Variants in C10orf90 observed in about 807,000 individuals in gnomAD.
C10orf90 encodes chromosome 10 open reading frame 90.
In C10orf90, 56 loss-of-function variants were observed where a neutral mutation model predicts 62.5. The ratio of observed to expected loss-of-function variants is 0.90; its 90% confidence interval spans 0.72 to 1.12. C10orf90 has a LOEUF of 1.12. Among genes scored for constraint, C10orf90 ranks in the 50% most tolerant of loss-of-function variants. The pLI, the probability that C10orf90 is intolerant of heterozygous loss-of-function variation, is 0.00. For synonymous variants in C10orf90, 386 were observed against 340.4 expected (o/e 1.13, Z -1.47); for missense variants, 970 against 880.4 (o/e 1.10, Z -1.29).
chr10:126,502,912 A>G, intron 4 of C10orf90: 1 of 467,950 alleles, frequency 2.1e-6, no homozygotes, highest in Admixed American at 2.5e-5. Context: ...TGAGCATTCA[A>G]TATTTCAATA....
intron 2 of C10orf90, among the ~76,000 whole-genome samples, chr10:126,518,695 G>A (rs1863573950): frequency 6.6e-6 from 1 of 152,188 alleles, no homozygotes; most frequent in Non-Finnish European, 1.5e-5. Context: ...TGCCCAGGGA[G>A]TGTGTGTGCT....
At chr10:126,618,453 G>A (rs1845585145) in intron 2 of C10orf90, among the ~76,000 whole-genome samples, 1 of 152,162 alleles carries the variant, frequency 6.6e-6, no homozygotes, top group African/African-American at 2.4e-5. Flanking sequence ...TTATTCTCAA[G>A]AAGTCCTTCT....
At chr10:126,611,754 G>A (rs952348630) in intron 2 of C10orf90, among the ~76,000 whole-genome samples, 2 of 152,164 alleles carry the variant, frequency 1.3e-5, no homozygotes, top group Non-Finnish European at 2.9e-5. Flanking sequence ...GCAGTGGCCA[G>A]AGATTTAAGG....
chr10:126,563,717 C>T (rs1864956072), intron 2 of C10orf90, among the ~76,000 whole-genome samples: 1 of 152,204 alleles, frequency 6.6e-6, no homozygotes, highest in Non-Finnish European at 1.5e-5. Flanking sequence ...ATCCTGCCTC[C>T]AGCGTTTGCT....
chr10:126,531,162 A>G (rs1175319930), intron 2 of C10orf90, among the ~76,000 whole-genome samples: 1 of 151,298 alleles, frequency 6.6e-6, no homozygotes, highest in Non-Finnish European at 1.5e-5. Flanking sequence ...CAAAAGAGTG[A>G]GACTCCATCT....
intron 2 of C10orf90, among the ~76,000 whole-genome samples, chr10:126,589,180 C>A (rs985156139): frequency 6.6e-6 from 1 of 152,064 alleles, no homozygotes; most frequent in Non-Finnish European, 1.5e-5. Context: ...AAGGAATGAA[C>A]AAAACCTCTG....
At chr10:126,430,701 C>CA (rs1198709331) in intron 7 of C10orf90, among the ~76,000 whole-genome samples, 3 of 152,166 alleles carry the variant, frequency 2.0e-5, no homozygotes, top group African/African-American at 7.2e-5. Context: ...GTAACCTGCT[C>CA]ATTCAGCAGA....
intron 1 of C10orf90, among the ~76,000 whole-genome samples, chr10:126,669,724 G>A (rs1385175449): frequency 1.4e-5 from 2 of 143,408 alleles, no homozygotes; most frequent in Admixed American, 7.0e-5. Context: ...TTTTTACAAA[G>A]TTGTCTCTGC....
At chr10:126,576,681 ATACATAT>A (rs1476923858) in intron 2 of C10orf90, among the ~76,000 whole-genome samples, 3,049 of 83,504 alleles carry the variant, frequency 0.037, 820 homozygotes, top group Middle Eastern at 0.091. Flanking sequence ...ATGTATACAT[ATACATAT>A]ACATGTATAT....
chr10:126,568,948 G>A (rs551177110), intron 2 of C10orf90, among the ~76,000 whole-genome samples: 5 of 152,278 alleles, frequency 3.3e-5, no homozygotes, highest in African/African-American at 9.6e-5. Context: ...GGATGAGGCC[G>A]GGCTGGCAGG....
intron 4 of C10orf90, among the ~76,000 whole-genome samples, chr10:126,480,144 T>G (rs1210509663): frequency 6.6e-6 from 1 of 152,226 alleles, no homozygotes; most frequent in African/African-American, 2.4e-5. Flanking sequence ...ATTATTCACT[T>G]GTGATTATGT....
chr10:126,624,409 G>A (rs571285650), intron 2 of C10orf90, among the ~76,000 whole-genome samples: 15 of 152,250 alleles, frequency 9.9e-5, no homozygotes, highest in African/African-American at 3.1e-4. Flanking sequence ...GGATGATGAC[G>A]AGATAGTACA....
chr10:126,561,219 C>T (rs896982743), intron 2 of C10orf90, among the ~76,000 whole-genome samples: 2 of 152,160 alleles, frequency 1.3e-5, no homozygotes, highest in Non-Finnish European at 2.9e-5. Flanking sequence ...GAAAGTACAC[C>T]AAGAATATAA....
chr10:126,650,820 G>C (rs1846277625), intron 1 of C10orf90, among the ~76,000 whole-genome samples: 1 of 152,148 alleles, frequency 6.6e-6, no homozygotes. Context: ...AAGTGTCCAA[G>C]AACAAGAAAA....
At position 126,448,217 on chromosome 10, in the gene C10orf90, C is replaced by G. The variant is rs553785075; in HGVS notation, c.2188+10823G>C. Among the ~76,000 whole-genome samples the G allele has an allele frequency of 5.9e-5, 9 of 151,718 alleles. No homozygotes were observed. The South Asian group carries it at 1.9e-3, about 32-fold the overall frequency. On this transcript the variant is annotated intron_variant, in intron 7 of 9. Coordinates refer to ENST00000488181, the MANE Select transcript of C10orf90 (RefSeq NM_001350921.2). ...TCACAATGGTATGAAACTACAGTAA[C>G]AGGAGGAATTTTTGAAAATTCATAG... is the stretch of plus-strand genomic sequence containing the variant.
In C10orf90 at chr10:126,459,130, C is replaced by G; in HGVS notation, c.2098G>C (p.Ala700Pro). The G allele has an allele frequency of 6.2e-7, 1 of 1,614,198 alleles. No individual in the cohort carries two copies. The highest frequency in any genetic ancestry group is 8.5e-7 in the Non-Finnish European group (1 of 1,180,044). The part of the protein sequence containing the change: ...KLEHMVQQRK[A>P]QRKEDLRQKQ... Reference sequence around the variant, plus strand: ...TGCCTCAGGTCCTCCTTCCGCTGGGCTTTCCTCTGCTGGACCATGTGTTCA... The same window carrying G: ...TGCCTCAGGTCCTCCTTCCGCTGGGGTTTCCTCTGCTGGACCATGTGTTCA... The change falls in exon 7 of 10, where the codon GCC (alanine) becomes CCC (proline). Residue 700 changes from alanine (A) to proline (P), a missense_variant. Physicochemically the swap from Ala to Pro is conservative, Grantham distance 27. Coordinates refer to ENST00000488181, the MANE Select transcript of C10orf90 (RefSeq NM_001350921.2).
At chr10:126,565,369 T>TATAA in intron 2 of C10orf90, among the ~76,000 whole-genome samples, 1 of 76,898 alleles carries the variant, frequency 1.3e-5, no homozygotes, top group African/African-American at 5.8e-5. Flanking sequence ...ATATATTATT[T>TATAA]TATATAATAA....
At chr10:126,612,734 T>C (rs1217047308) in intron 2 of C10orf90, among the ~76,000 whole-genome samples, 2 of 152,220 alleles carry the variant, frequency 1.3e-5, no homozygotes, top group East Asian at 3.9e-4. Flanking sequence ...AACCTGGATG[T>C]CTCAGATGAG....
intron 2 of C10orf90, among the ~76,000 whole-genome samples, chr10:126,516,624 T>C (rs1170412816): frequency 6.6e-6 from 1 of 152,128 alleles, no homozygotes; most frequent in Non-Finnish European, 1.5e-5. Flanking sequence ...AGATGCCTCG[T>C]CTCCAGCAGG....
Sources: allele counts gnomAD v4.1 joint callset (sites outside exome capture counted in the v4.1 genomes callset), GRCh38; gene constraint gnomAD v4.1.1; transcripts MANE v1.5; gene names NCBI Gene and HGNC (gene_info 2026-07-23, HGNC 2026-07-21).